ADAMTSL1: variants seen among roughly 807,000 people sequenced by gnomAD.
ADAMTSL1 encodes the protein ADAMTS-like protein 1.
In ADAMTSL1, 126 loss-of-function variants were observed where a neutral mutation model predicts 201.8. The ratio of observed to expected loss-of-function variants is 0.62; its 90% CI spans 0.54 to 0.72. The LOEUF is 0.72. Ranked by LOEUF, ADAMTSL1 falls within the 30% of genes least tolerant of loss-of-function variation. The probability of loss-of-function intolerance (pLI) is 0.00; values close to 1 mark genes in which losing one functional copy is unlikely to be tolerated. For missense variants in ADAMTSL1, 2,679 were observed against 2,277.8 expected (o/e 1.18, Z -3.59); for synonymous variants, 1,121 against 903.4 (o/e 1.24, Z -4.32).
At chr9:17,988,562 C>CTT (rs1197090632) in intron 1 of ADAMTSL1, among the ~76,000 whole-genome samples, 6 of 140,176 alleles carry the variant, frequency 4.3e-5, no homozygotes, top group African/African-American at 7.8e-5. Context: ...TTTTTCTTTT[C>CTT]TTTTTTTTTT....
At chr9:18,296,833 T>G (rs1439630334) in intron 2 of ADAMTSL1, among the ~76,000 whole-genome samples, 3 of 152,092 alleles carry the variant, frequency 2.0e-5, no homozygotes, top group African/African-American at 7.2e-5. Flanking sequence ...ACGCTGGAGG[T>G]CAATGTAATT....
rs368951349 is a variant in ADAMTSL1, at chr9:18,770,769, A to G, written c.2385A>G (p.Ser795=). The change falls in exon 17 of 29, where the codon TCA becomes TCG. Residue 795 remains serine, a synonymous_variant. Coordinates refer to ENST00000380548, the MANE Select transcript of ADAMTSL1 (RefSeq NM_001040272.6). Reference sequence around the variant, plus strand: ...ACTGTCCCAGCGAGTGGCTTCTCTCAGACTGGACAGAGGTATGTATGTTCC... The same window carrying G: ...ACTGTCCCAGCGAGTGGCTTCTCTCGGACTGGACAGAGGTATGTATGTTCC... The part of the protein sequence containing the change: ...KDDCPSEWLL[S]DWTECSTSCG... 40 of 1,613,682 alleles carry G rather than the reference A, an allele frequency of 2.5e-5. No individual in the cohort carries two copies. The highest frequency in any genetic ancestry group is 3.3e-5 in the Non-Finnish European group (39 of 1,179,846).
At chr9:18,786,799 A>G (rs554621866) in intron 19 of ADAMTSL1, among the ~76,000 whole-genome samples, 8 of 152,356 alleles carry the variant, frequency 5.3e-5, no homozygotes, top group African/African-American at 1.9e-4. Flanking sequence ...TTGATATTCT[A>G]CTGACATTCT....
intron 23 of ADAMTSL1, among the ~76,000 whole-genome samples, chr9:18,878,908 G>C (rs987271054): frequency 6.6e-6 from 1 of 152,198 alleles, no homozygotes; most frequent in Non-Finnish European, 1.5e-5. Flanking sequence ...GGAGGTGCCA[G>C]TTGCTGCTAG....
rs1400581287 is a variant in ADAMTSL1 at position 18,485,096 on chromosome 9, G to T, written c.63+10801G>T. 2.6e-5 allele frequency among the ~76,000 whole-genome samples: 4 copies of T among 152,130 alleles called. No homozygotes were observed. In the East Asian group the frequency reaches 7.7e-4, roughly 29 times the overall value. Reference sequence around the variant, plus strand: ...ATAAGAACCCTATGGATGGAGCCATGACAATTTTCCATCTTGACAAGGAAA... The same window carrying T: ...ATAAGAACCCTATGGATGGAGCCATTACAATTTTCCATCTTGACAAGGAAA... On this transcript the variant is annotated intron_variant, in intron 1 of 28. Coordinates refer to ENST00000380548, the MANE Select transcript of ADAMTSL1 (RefSeq NM_001040272.6).
intron 1 of ADAMTSL1, among the ~76,000 whole-genome samples, chr9:18,159,559 G>A (rs985450268): frequency 2.0e-5 from 3 of 151,958 alleles, no homozygotes; most frequent in African/African-American, 7.2e-5. Flanking sequence ...TAGCAATTAT[G>A]GCTCTTCTTT....
At chr9:18,605,457 A>G (rs1281892763) in intron 4 of ADAMTSL1, among the ~76,000 whole-genome samples, 1 of 152,230 alleles carries the variant, frequency 6.6e-6, no homozygotes, top group South Asian at 2.1e-4. Context: ...AACTATCAGA[A>G]AAACACTTGC....
At chr9:18,445,907 T>C (rs953926661) in intron 2 of ADAMTSL1, among the ~76,000 whole-genome samples, 3 of 152,148 alleles carry the variant, frequency 2.0e-5, no homozygotes, top group Non-Finnish European at 4.4e-5. Context: ...GTATCAAATA[T>C]TTGTAAACAT....
At chr9:18,772,373 G>A (rs983165481) in intron 17 of ADAMTSL1, among the ~76,000 whole-genome samples, 1 of 152,154 alleles carries the variant, frequency 6.6e-6, no homozygotes, top group Non-Finnish European at 1.5e-5. Context: ...TTCAGAAAAT[G>A]TTCTTTTGTG....
chr9:18,854,023 C>T (rs767547815), intron 23 of ADAMTSL1, among the ~76,000 whole-genome samples: 1 of 152,054 alleles, frequency 6.6e-6, no homozygotes, highest in Non-Finnish European at 1.5e-5. Context: ...TGTAATCTTT[C>T]ACCTTTTCAT....
At chr9:18,238,361 GGGA>G (rs376875240) in intron 2 of ADAMTSL1, among the ~76,000 whole-genome samples, 2,611 of 152,220 alleles carry the variant, frequency 0.017, 41 homozygotes, top group South Asian at 0.045. Flanking sequence ...TCAGTATTTT[GGGA>G]GGAGGAGGAG....
At chr9:18,551,634 A>C (rs1481337297) in intron 3 of ADAMTSL1, among the ~76,000 whole-genome samples, 13 of 151,204 alleles carry the variant, frequency 8.6e-5, no homozygotes, top group Non-Finnish European at 1.8e-4. Context: ...ATTCAGTCTC[A>C]GGTCTGACCT....
chr9:18,549,542 A>C (rs1022285043), intron 3 of ADAMTSL1, among the ~76,000 whole-genome samples: 2 of 151,992 alleles, frequency 1.3e-5, no homozygotes, highest in Non-Finnish European at 2.9e-5. Context: ...GGGGTATGAG[A>C]GTGTGTATAT....
intron 2 of ADAMTSL1, among the ~76,000 whole-genome samples, chr9:18,189,157 C>T (rs1212589840): frequency 6.6e-6 from 1 of 152,090 alleles, no homozygotes; most frequent in Non-Finnish European, 1.5e-5. Flanking sequence ...TAGTTCCACT[C>T]CACAGTTGCC....
intron 20 of ADAMTSL1, among the ~76,000 whole-genome samples, chr9:18,816,775 A>G (rs148847657): frequency 3.3e-3 from 124 of 37,692 alleles, no homozygotes; most frequent in African/African-American, 0.012. Context: ...TTTTAAATTT[A>G]ATTTAATTTT....
intron 4 of ADAMTSL1, among the ~76,000 whole-genome samples, chr9:18,607,721 T>TC (rs1475069076): frequency 6.6e-6 from 1 of 150,632 alleles, no homozygotes; most frequent in Non-Finnish European, 1.5e-5. Context: ...ATGCTATCCC[T>TC]CCCCCCTACC....
At chr9:17,945,304 A>T (rs1249465279) in intron 1 of ADAMTSL1, among the ~76,000 whole-genome samples, 1 of 116,700 alleles carries the variant, frequency 8.6e-6, no homozygotes, top group African/African-American at 3.4e-5. Context: ...ATCATTAAAA[A>T]GTCAGGAAAC....
chr9:18,554,681 T>A (rs199648285), intron 3 of ADAMTSL1, among the ~76,000 whole-genome samples: 1 of 142,210 alleles, frequency 7.0e-6, no homozygotes, highest in Non-Finnish European at 1.5e-5. Flanking sequence ...TTTTTTTTTT[T>A]ATTTTGCTTG....
chr9:18,377,856 C>T (rs1323458695), intron 2 of ADAMTSL1, among the ~76,000 whole-genome samples: 1 of 152,138 alleles, frequency 6.6e-6, no homozygotes, highest in Non-Finnish European at 1.5e-5. Flanking sequence ...GCATGAGTCA[C>T]CATGCCTGGC....
Sources: allele counts gnomAD v4.1 joint callset (sites outside exome capture counted in the v4.1 genomes callset), GRCh38; gene constraint gnomAD v4.1.1; transcripts MANE v1.5; gene names NCBI Gene and HGNC (gene_info 2026-07-23, HGNC 2026-07-21).